The following KREMEN1 variants were observed in gnomAD, a reference collection of about 807,000 sequenced individuals.
KREMEN1 encodes kringle containing transmembrane protein 1, also known as kremen protein 1.
In KREMEN1, 30 loss-of-function variants were observed where a neutral mutation model predicts 46.5. That is an observed-to-expected ratio of 0.65 (90% CI 0.48 to 0.88). KREMEN1 has a LOEUF of 0.88. KREMEN1 is among the 40% of genes least tolerant of loss of function. The probability of loss-of-function intolerance (pLI) is 0.00; values close to 1 mark genes in which losing one functional copy is unlikely to be tolerated. For synonymous variants in KREMEN1, 214 were observed against 230.6 expected, an observed-to-expected ratio of 0.93 and a Z score of 0.65; for missense variants, 533 against 596.9, an observed-to-expected ratio of 0.89 and a Z score of 1.11.
At chr22:29,111,574 A>C (rs1350391016) in intron 3 of KREMEN1, 1 of 143,372 alleles carries the variant, frequency 7.0e-6, no homozygotes, top group Non-Finnish European at 1.5e-5. Context: ...AGATCGCGCC[A>C]CTGCACTCCA....
At chr22:29,101,855 A>ATATTTAGGCCAAGTGCCAAAAG (rs1473657772) in intron 3 of KREMEN1, among the ~76,000 whole-genome samples, 3 of 152,234 alleles carry the variant, frequency 2.0e-5, no homozygotes, top group African/African-American at 4.8e-5. Flanking sequence ...ATGACAATGC[A>ATATTTAGGCCAAGTGCCAAAAG]GTTCTCAGAG....
At chr22:29,164,209 C>A (rs1447655196) in intron 9 of KREMEN1, among the ~76,000 whole-genome samples, 1 of 152,228 alleles carries the variant, frequency 6.6e-6, no homozygotes, top group Non-Finnish European at 1.5e-5. Flanking sequence ...CGGCTGTTGA[C>A]TATGGTGTGG....
intron 3 of KREMEN1, among the ~76,000 whole-genome samples, chr22:29,104,157 AT>A (rs35950264): frequency 0.092 from 12,915 of 140,262 alleles, 475 homozygotes; most frequent in Middle Eastern, 0.1. Context: ...CTAAATTGTA[AT>A]TTTTTTTTTT....
At chr22:29,140,115 G>A (rs2038737210) in intron 7 of KREMEN1, among the ~76,000 whole-genome samples, 167 bp from the exon 8 acceptor site, 1 of 152,208 alleles carries the variant, frequency 6.6e-6, no homozygotes, top group African/African-American at 2.4e-5. Context: ...GGGGCCCCAT[G>A]CTTAGCCTGG....
At chr22:29,154,144 A>AC (rs1273100707) in intron 9 of KREMEN1, among the ~76,000 whole-genome samples, 1 of 152,124 alleles carries the variant, frequency 6.6e-6, no homozygotes, top group Non-Finnish European at 1.5e-5. Flanking sequence ...AGCAGGGGGC[A>AC]CCTCAGATTT....
At chr22:29,159,518 C>T (rs529769125) in intron 9 of KREMEN1, among the ~76,000 whole-genome samples, 1 of 152,066 alleles carries the variant, frequency 6.6e-6, no homozygotes, top group Non-Finnish European at 1.5e-5. Context: ...ACTCAGGAGG[C>T]TGAGGCAGGA....
intron 3 of KREMEN1, among the ~76,000 whole-genome samples, chr22:29,110,601 C>G (rs28607640): frequency 5.9e-5 from 9 of 152,296 alleles, no homozygotes; most frequent in African/African-American, 1.9e-4. Context: ...CTACCTCCCC[C>G]TAAGGGCAGA....
chr22:29,073,245 C>T lies in KREMEN1; in HGVS notation c.97+18C>T. ...CGGACCCGGTGAGTGTGAGCGACCCCCCGCCGCCCGCCCTGAGCGGAGCCC... is the reference window on the plus strand; with the variant it reads ...CGGACCCGGTGAGTGTGAGCGACCCTCCGCCGCCCGCCCTGAGCGGAGCCC... On this transcript the variant is annotated intron_variant, in intron 1 of 8. Coordinates refer to ENST00000400335, the MANE Select transcript of KREMEN1 (RefSeq NM_001039570.3). The surrounding 1 kb of genome is among the most constrained non-coding windows in gnomAD (Gnocchi z 4.4). The T allele has an allele frequency of 9.2e-7, 1 of 1,086,342 alleles. No homozygotes were observed. The highest frequency in any genetic ancestry group is 1.7e-5 in the African/African-American group (1 of 60,318). The allele number at this position is 1,086,342 out of a possible 1,614,324, so 67.3% of individuals were successfully genotyped here. A position where few individuals can be genotyped will look rare whatever the true frequency, so the allele number is the denominator to read the frequency against.
chr22:29,090,791 T>A (rs134653), intron 1 of KREMEN1, among the ~76,000 whole-genome samples: 108,593 of 151,992 alleles, frequency 0.71, 39,051 homozygotes, highest in Middle Eastern at 0.82. Context: ...GTAATTGATA[T>A]GTACTGGGCA....
In KREMEN1 at chr22:29,094,392, G is replaced by A; in HGVS notation, c.232G>A (p.Gly78Arg). The A allele has an allele frequency of 6.2e-7, 1 of 1,613,666 alleles. No individual in the cohort carries two copies. Among genetic ancestry groups the A allele is most frequent in the Non-Finnish European group, 8.5e-7 (1 of 1,179,884 alleles). The stretch of plus-strand genomic sequence containing the variant: ...CACTCTGAAATACCCCAACGGGGAG[G>A]GGGGCCTGGGTGAGCACAACTATTG... ...YNTLKYPNGE[G>R]GLGEHNYCRN... is the part of the protein sequence containing the mutation. Residue 78 changes from glycine (G) to arginine (R), a missense_variant, in exon 2 of 9, where the codon GGG (glycine) becomes AGG (arginine). Gly to Arg is a moderately radical substitution (Grantham distance 125). Transcript: ENST00000400335.
chr22:29,164,046 C>T (rs967938389), intron 9 of KREMEN1, among the ~76,000 whole-genome samples: 3 of 149,710 alleles, frequency 2.0e-5, no homozygotes, highest in Non-Finnish European at 4.4e-5. Flanking sequence ...AACCGCTGGG[C>T]TCAAGGGATC....
rs2038678531 is a variant in KREMEN1 at position 29,137,367 on chromosome 22, C to T, written c.657C>T (p.Asn219=). ...FDTLVGACGG[N]YSAMSSVVYS... is the part of the protein sequence containing the mutation. ...CTCTCGTGGGCGCCTGCGGTGGGAACTACTCAGCCATGTCTTCTGTGGTCT... is the reference window on the plus strand; with the variant it reads ...CTCTCGTGGGCGCCTGCGGTGGGAATTACTCAGCCATGTCTTCTGTGGTCT... Residue 219 remains asparagine (N), a synonymous_variant, in exon 6 of 9, where the codon AAC becomes AAT. Coordinates refer to ENST00000400335, the MANE Select transcript of KREMEN1 (RefSeq NM_001039570.3). The T allele has an allele frequency of 6.7e-7, 1 of 1,500,466 alleles. No homozygotes were observed. Among genetic ancestry groups the T allele is most frequent in the African/African-American group, 1.4e-5 (1 of 71,602 alleles). The allele number at this position is 1,500,466 out of a possible 1,614,324, so 92.9% of individuals were successfully genotyped here. A position where few individuals can be genotyped will look rare whatever the true frequency, so the allele number is the denominator to read the frequency against.
chr22:29,087,570 G>GTT (rs134640), intron 1 of KREMEN1, among the ~76,000 whole-genome samples: 1 of 148,430 alleles, frequency 6.7e-6, no homozygotes. Context: ...TACATGTCAA[G>GTT]TTTTTTTTTT....
At chr22:29,155,436 G>A (rs2038953048) in intron 9 of KREMEN1, among the ~76,000 whole-genome samples, 1 of 152,174 alleles carries the variant, frequency 6.6e-6, no homozygotes. Context: ...TCAGGAGGCT[G>A]AAGTGGGAGA....
intron 9 of KREMEN1, among the ~76,000 whole-genome samples, chr22:29,160,066 T>C (rs132299): frequency 0.9 from 137,065 of 152,154 alleles, 61,866 homozygotes; most frequent in East Asian, 1. Context: ...TAGACATCTA[T>C]GGAAAACTCC....
rs1368673038 is a variant in KREMEN1, at chr22:29,146,130, G to A, written c.*4018G>A. 2 of 985,814 alleles carry A rather than the reference G, an allele frequency of 2.0e-6. No individual in the cohort carries two copies. Among genetic ancestry groups the A allele is most frequent in the Admixed American group, 6.1e-5 (1 of 16,264 alleles). The allele number at this position is 985,814 out of a possible 1,614,324, so 61.1% of individuals were successfully genotyped here. A position where few individuals can be genotyped will look rare whatever the true frequency, so the allele number is the denominator to read the frequency against. On this transcript the variant is annotated 3_prime_UTR_variant, in exon 9 of 9. Coordinates refer to ENST00000400335, the MANE Select transcript of KREMEN1 (RefSeq NM_001039570.3). The stretch of plus-strand genomic sequence containing the variant: ...GCTCCACACCCCACCACCTGGCACC[G>A]TTAGGTTTCAGATCTCCCGTGTGGT...
chr22:29,150,805 C>G (rs1382839166), downstream of KREMEN1, among the ~76,000 whole-genome samples: 1 of 152,142 alleles, frequency 6.6e-6, no homozygotes, highest in African/African-American at 2.4e-5. Context: ...GTACTGTGTA[C>G]CAGACGCTGT....
At chr22:29,074,590 G>T (rs2037536381) in intron 1 of KREMEN1, among the ~76,000 whole-genome samples, 1 of 152,244 alleles carries the variant, frequency 6.6e-6, no homozygotes, top group South Asian at 2.1e-4. Context: ...GGCCATTTGT[G>T]AAAGGGATGG....
intron 5 of KREMEN1, among the ~76,000 whole-genome samples, chr22:29,128,241 G>T (rs1036476334): frequency 6.6e-6 from 1 of 152,158 alleles, no homozygotes; most frequent in Admixed American, 6.6e-5. Context: ...GTCAACTTAT[G>T]ATTTTTCAAC....
Sources: allele counts gnomAD v4.1 joint callset (sites outside exome capture counted in the v4.1 genomes callset), GRCh38; gene constraint gnomAD v4.1.1; non-coding constraint Gnocchi (gnomAD v3.1); transcripts MANE v1.5; gene names NCBI Gene and HGNC (gene_info 2026-07-23, HGNC 2026-07-21).